Variants in STK39 observed in about 807,000 individuals in gnomAD.
STK39 encodes serine/threonine kinase 39.
A neutral mutation model predicts 77.8 loss-of-function variants in STK39; 20 were observed. The observed-to-expected ratio is 0.26, with a 90% CI of 0.18 to 0.37. The LOEUF is 0.37. Ranked by LOEUF, STK39 falls within the 10% of genes least tolerant of loss-of-function variation. The pLI, the probability that STK39 is intolerant of heterozygous loss-of-function variation, is 1.00. For synonymous variants in STK39, 246 were observed against 234.1 expected, an observed-to-expected ratio of 1.05 and a Z score of -0.47; for missense variants, 479 against 656.5, an observed-to-expected ratio of 0.73 and a Z score of 2.95.
At chr2:168,037,412 G>GTA (rs1337128097) in intron 14 of STK39, among the ~76,000 whole-genome samples, 2 of 152,124 alleles carry the variant, frequency 1.3e-5, no homozygotes, top group African/African-American at 4.8e-5. Flanking sequence ...TTTTAAGAGG[G>GTA]TTATACCTAC....
chr2:168,018,376 T>C (rs1684468303), intron 14 of STK39, among the ~76,000 whole-genome samples: 1 of 151,998 alleles, frequency 6.6e-6, no homozygotes, highest in Admixed American at 6.6e-5. Flanking sequence ...GGCCCATCCC[T>C]GTAATCCCAG....
chr2:168,155,076 T>A (rs1688391464), intron 5 of STK39, among the ~76,000 whole-genome samples: 1 of 152,146 alleles, frequency 6.6e-6, no homozygotes, highest in Non-Finnish European at 1.5e-5. Flanking sequence ...CTGAGTCCCA[T>A]CTGCCTCATG....
Position 168,047,717 on chromosome 2 carries a change from C to T in STK39, c.1376+15783G>A, listed in dbSNP as rs188276835. On this transcript the variant is annotated intron_variant, in intron 14 of 17. Coordinates refer to ENST00000355999, the MANE Select transcript of STK39 (RefSeq NM_013233.3). ...ATGGGGACAGGAGACCAAACCTCCT[C>T]CCCAGGGCCCTCTGTGTCAGAAAGG... Among the ~76,000 whole-genome samples, 401 of 152,268 alleles carry T rather than the reference C, an allele frequency of 2.6e-3. 4 individuals are homozygous for T. Among genetic ancestry groups the T allele is most frequent in the East Asian group, 7.3e-3 (38 of 5,182 alleles).
chr2:168,232,086 T>C (rs563271546), intron 1 of STK39: 99 of 253,396 alleles, frequency 3.9e-4, no homozygotes, highest in African/African-American at 2.2e-3. Flanking sequence ...ACAGTGCCCC[T>C]GGTAAGATCC....
At chr2:168,059,286 T>A (rs942199678) in intron 14 of STK39, among the ~76,000 whole-genome samples, 3 of 152,170 alleles carry the variant, frequency 2.0e-5, no homozygotes, top group Admixed American at 6.5e-5. Context: ...ATAACGATAA[T>A]GGGATGTCAC....
At chr2:168,166,103 A>T (rs1400644) in intron 3 of STK39, among the ~76,000 whole-genome samples, 6 of 151,988 alleles carry the variant, frequency 3.9e-5, no homozygotes, top group Non-Finnish European at 5.9e-5. Flanking sequence ...ACAGATGTTA[A>T]AGTCACAAAT....
chr2:168,211,020 AAG>A (rs1689877654), intron 1 of STK39, among the ~76,000 whole-genome samples: 1 of 152,224 alleles, frequency 6.6e-6, no homozygotes, highest in Non-Finnish European at 1.5e-5. Context: ...TATGGTTAAA[AAG>A]AGAAAGTATA....
intron 16 of STK39, among the ~76,000 whole-genome samples, chr2:168,008,728 G>A (rs1316717421): frequency 2.6e-5 from 4 of 152,076 alleles, no homozygotes; most frequent in African/African-American, 9.7e-5. Context: ...AGGTTAGAGA[G>A]ATGAGGAGGA....
intron 16 of STK39, among the ~76,000 whole-genome samples, chr2:167,991,062 G>A (rs997557153): frequency 1.3e-5 from 2 of 152,192 alleles, no homozygotes; most frequent in Non-Finnish European, 2.9e-5. Flanking sequence ...GTTGGGCAAA[G>A]TAACAAACAC....
intron 1 of STK39, among the ~76,000 whole-genome samples, chr2:168,234,003 C>CAAGAA (rs143371533): frequency 6.6e-6 from 1 of 152,136 alleles, no homozygotes; most frequent in African/African-American, 2.4e-5. Context: ...TCACCACACA[C>CAAGAA]AAGAATACTC....
rs201211789 is a variant in STK39 at position 168,012,647 on chromosome 2, G to A, written c.1485C>T (p.His495=). 1.0e-4 allele frequency: 167 copies of A among 1,613,316 alleles called. No homozygotes were observed. The East Asian group carries it at 1.6e-3, about 16-fold the overall frequency. The change falls in exon 16 of 18, where the codon CAC becomes CAT. Residue 495 remains histidine, a synonymous_variant. Coordinates refer to ENST00000355999, the MANE Select transcript of STK39 (RefSeq NM_013233.3). The part of the protein sequence containing the change: ...ELFSAGLVDG[H]DVVIVAANLQ... ...AAAACAATTTACCTATAACTACATC[G>A]TGACCATCCACCAAGCCAGCAGAGA... is the stretch of plus-strand genomic sequence containing the variant.
Position 167,971,878 on chromosome 2 carries a change from C to T in STK39, c.1499-7152G>A, listed in dbSNP as rs145607636. ...ATGGATTAAACAAGACAGGGCCCCA[C>T]CAGGGGCAAGTTTGAGCCTTGCCAG... On this transcript the variant is annotated intron_variant, in intron 16 of 17. Coordinates refer to ENST00000355999, the MANE Select transcript of STK39 (RefSeq NM_013233.3). 6.7e-3 allele frequency among the ~76,000 whole-genome samples: 1,014 copies of T among 152,278 alleles called. 10 individuals carry two copies. The highest frequency in any genetic ancestry group is 0.023 in the African/African-American group (963 of 41,552).
chr2:167,990,701 T>C (rs1356169200), intron 16 of STK39, among the ~76,000 whole-genome samples: 1 of 152,220 alleles, frequency 6.6e-6, no homozygotes, highest in African/African-American at 2.4e-5. Context: ...AGAACCCACA[T>C]ATCTTTATAA....
chr2:167,988,212 C>A (rs16854480), intron 16 of STK39, among the ~76,000 whole-genome samples: 7,666 of 152,218 alleles, frequency 0.05, 690 homozygotes, highest in African/African-American at 0.17. Context: ...ACTGCTGGTG[C>A]CCCTTATGCA....
chr2:167,990,227 C>T (rs190580996), intron 16 of STK39, among the ~76,000 whole-genome samples: 12 of 152,270 alleles, frequency 7.9e-5, no homozygotes, highest in South Asian at 2.1e-4. Context: ...GTACCTGATA[C>T]GCAGGCTCTC....
chr2:168,156,572 A>T (rs1192392716), intron 5 of STK39, among the ~76,000 whole-genome samples: 1 of 152,234 alleles, frequency 6.6e-6, no homozygotes, highest in Non-Finnish European at 1.5e-5. Flanking sequence ...CTAAGTAATT[A>T]GAGGACACCA....
intron 1 of STK39, among the ~76,000 whole-genome samples, chr2:168,228,491 T>C (rs1222944362): frequency 6.6e-6 from 1 of 152,178 alleles, no homozygotes; most frequent in African/African-American, 2.4e-5. Flanking sequence ...TGTATAATAT[T>C]TGAGAAGTAT....
At chr2:168,118,435 T>C (rs973835461) in intron 10 of STK39, among the ~76,000 whole-genome samples, 5 of 151,970 alleles carry the variant, frequency 3.3e-5, no homozygotes, top group African/African-American at 1.2e-4. Context: ...AAACTGGACC[T>C]CCAAGTCTGT....
At chr2:168,069,569 T>C (rs1178701058) in intron 12 of STK39, among the ~76,000 whole-genome samples, 1 of 151,718 alleles carries the variant, frequency 6.6e-6, no homozygotes, top group Non-Finnish European at 1.5e-5. Context: ...CTTATTTTTA[T>C]TTTGGAAATT....
Sources: gnomAD v4.1 joint callset for allele counts (sites outside exome capture counted in the v4.1 genomes callset) on GRCh38, gnomAD v4.1.1 for gene constraint, MANE v1.5 for transcripts, NCBI Gene and HGNC (gene_info 2026-07-23, HGNC 2026-07-21) for gene names.